Variants in BRINP3 observed in about 807,000 individuals in gnomAD.
BRINP3 encodes the protein BMP/retinoic acid inducible neural specific 3, also known as BMP/retinoic acid-inducible neural-specific protein 3.
A neutral mutation model predicts 71.0 loss-of-function variants in BRINP3; 19 were observed. The observed-to-expected ratio is 0.27, with a 90% CI of 0.19 to 0.39. The LOEUF is 0.39. Ranked by LOEUF, BRINP3 falls within the 10% of genes least tolerant of loss-of-function variation. The probability of loss-of-function intolerance (pLI) is 1.00; values close to 1 mark genes in which losing one functional copy is unlikely to be tolerated. For synonymous variants in BRINP3, 380 were observed against 337.7 expected, an observed-to-expected ratio of 1.13 and a Z score of -1.37; for missense variants, 959 against 940.8, an observed-to-expected ratio of 1.02 and a Z score of -0.25.
intron 2 of BRINP3, among the ~76,000 whole-genome samples, chr1:190,428,810 T>C (rs1673897633): frequency 6.6e-6 from 1 of 152,072 alleles, no homozygotes; most frequent in Admixed American, 6.6e-5. Flanking sequence ...TCAACTAAAA[T>C]AATACTAATA....
chr1:190,105,849 G>T (rs1164011068), intron 7 of BRINP3, among the ~76,000 whole-genome samples: 1 of 151,528 alleles, frequency 6.6e-6, no homozygotes, highest in African/African-American at 2.4e-5. Context: ...AATATAAAAA[G>T]AAACACATCA....
intron 2 of BRINP3, among the ~76,000 whole-genome samples, chr1:190,450,520 C>T (rs1675537136): frequency 6.6e-6 from 1 of 152,046 alleles, no homozygotes; most frequent in African/African-American, 2.4e-5. Context: ...ACATTTTAAA[C>T]CAGAATCCTC....
chr1:190,150,977 T>G (rs1656340689), intron 7 of BRINP3, among the ~76,000 whole-genome samples: 2 of 152,010 alleles, frequency 1.3e-5, no homozygotes, highest in Non-Finnish European at 2.9e-5. Flanking sequence ...ATAGAAACCC[T>G]GTCTCTACCA....
intron 2 of BRINP3, among the ~76,000 whole-genome samples, chr1:190,386,257 AAAAT>A (rs950458065): frequency 2.0e-5 from 3 of 151,566 alleles, no homozygotes; most frequent in African/African-American, 7.3e-5. Flanking sequence ...ACTTAAAAAA[AAAAT>A]AATAAAAATA....
chr1:190,196,832 A>T (rs1489183593), intron 6 of BRINP3, among the ~76,000 whole-genome samples: 1 of 151,936 alleles, frequency 6.6e-6, no homozygotes, highest in African/African-American at 2.4e-5. Context: ...ATAGTCACTG[A>T]GAAACTTTCA....
At chr1:190,236,963 T>G (rs1658583940) in intron 4 of BRINP3, among the ~76,000 whole-genome samples, 1 of 151,836 alleles carries the variant, frequency 6.6e-6, no homozygotes, top group South Asian at 2.1e-4. Flanking sequence ...ATAGTGATCT[T>G]GGAAAAGGGA....
rs191967264 is a variant in BRINP3 at position 190,227,545 on chromosome 1, T to C, written c.725-1227A>G. On this transcript the variant is annotated intron_variant, in intron 5 of 7. Transcript: ENST00000367462. ...CAGTATATTTAAGAAAAATAAAAGA[T>C]GCAACTATATAAGATACATGTGATT... Among the ~76,000 whole-genome samples, 712 of 151,896 alleles carry C rather than the reference T, an allele frequency of 4.7e-3. 7 individuals carry two copies. Among genetic ancestry groups the C allele is most frequent in the Admixed American group, 7.0e-3 (107 of 15,178 alleles).
chr1:190,218,618 A>G (rs145361232), intron 6 of BRINP3, among the ~76,000 whole-genome samples: 26 of 152,112 alleles, frequency 1.7e-4, no homozygotes, highest in Admixed American at 6.6e-4. Context: ...TCTGTTGGCA[A>G]TTTTGAAACA....
chr1:190,342,015 T>G (rs1391763780), intron 2 of BRINP3, among the ~76,000 whole-genome samples: 13 of 5,714 alleles, frequency 2.3e-3, no homozygotes, highest in Non-Finnish European at 6.2e-3. Flanking sequence ...ATTTCTGTGT[T>G]TTTTTTTTTG....
chr1:190,272,537 G>A (rs1662197072), intron 3 of BRINP3, among the ~76,000 whole-genome samples: 2 of 151,412 alleles, frequency 1.3e-5, no homozygotes, highest in Non-Finnish European at 3.0e-5. Context: ...TGCAATAAAT[G>A]TTATCTTTCT....
intron 2 of BRINP3, among the ~76,000 whole-genome samples, chr1:190,320,020 G>C (rs1666133407): frequency 6.6e-6 from 1 of 152,026 alleles, no homozygotes; most frequent in Non-Finnish European, 1.5e-5. Flanking sequence ...ATATACGTGT[G>C]TGTGTGTGTG....
intron 2 of BRINP3, among the ~76,000 whole-genome samples, chr1:190,329,548 A>G (rs1031135145): frequency 6.6e-6 from 1 of 152,146 alleles, no homozygotes; most frequent in African/African-American, 2.4e-5. Context: ...AAACAAATGA[A>G]AAAACATTAC....
chr1:190,355,626 C>G (rs1668678263), intron 2 of BRINP3, among the ~76,000 whole-genome samples: 2 of 151,546 alleles, frequency 1.3e-5, no homozygotes. Context: ...TTTTAATTTC[C>G]TGATTGTTCC....
At chr1:190,383,057 C>A (rs148482657) in intron 2 of BRINP3, among the ~76,000 whole-genome samples, 150 of 152,138 alleles carry the variant, frequency 9.9e-4, no homozygotes, top group African/African-American at 3.4e-3. Context: ...AAAGGAGGCC[C>A]TTGAAATTAG....
intron 4 of BRINP3, among the ~76,000 whole-genome samples, chr1:190,238,587 C>T (rs981423434): frequency 6.6e-6 from 1 of 152,122 alleles, no homozygotes; most frequent in Non-Finnish European, 1.5e-5. Flanking sequence ...TGAGAAACTA[C>T]TATCCATTCA....
chr1:190,207,207 T>G (rs1018754880), intron 6 of BRINP3, among the ~76,000 whole-genome samples: 13 of 152,224 alleles, frequency 8.5e-5, no homozygotes, highest in African/African-American at 3.1e-4. Flanking sequence ...ACCGCTAAAT[T>G]GTCTGTCTGT....
At position 190,160,906 on chromosome 1, in the gene BRINP3, A is replaced by AT. The variant is rs1414212646; in HGVS notation, c.962-17dup. ...TTGAATTCATCTGAAAAATGTCAAA[A>AT]TTCAACACTTTAATTATGAAACAAT... is the stretch of plus-strand genomic sequence containing the variant. On this transcript the variant is annotated splice_polypyrimidine_tract_variant and intron_variant, in intron 6 of 7. Coordinates refer to ENST00000367462, the MANE Select transcript of BRINP3 (RefSeq NM_199051.3). 6.5e-7 allele frequency: 1 copy of AT among 1,542,190 alleles called. No homozygotes were observed.
intron 2 of BRINP3, among the ~76,000 whole-genome samples, chr1:190,301,144 T>C (rs1030958719): frequency 8.5e-5 from 12 of 141,548 alleles, no homozygotes; most frequent in African/African-American, 1.3e-4. Context: ...CATATATATA[T>C]ACACACATAC....
At chr1:190,350,933 C>T (rs1464887292) in intron 2 of BRINP3, among the ~76,000 whole-genome samples, 10 of 151,640 alleles carry the variant, frequency 6.6e-5, no homozygotes, top group African/African-American at 1.7e-4. Flanking sequence ...AGCGGTTCTC[C>T]TGCCTCAGCC....
Sources: allele counts gnomAD v4.1 joint callset (sites outside exome capture counted in the v4.1 genomes callset), GRCh38; gene constraint gnomAD v4.1.1; transcripts MANE v1.5; gene names NCBI Gene and HGNC (gene_info 2026-07-23, HGNC 2026-07-21).